Variants in KANSL3 observed in about 807,000 individuals in gnomAD.
The protein encoded by KANSL3 is NSL complex protein NSL3.
In KANSL3, 16 loss-of-function variants were observed where a neutral mutation model predicts 89.2. The observed-to-expected ratio is 0.18, with a 90% CI of 0.12 to 0.27. The LOEUF (loss-of-function observed/expected upper bound fraction) is 0.27, where lower values mean the gene tolerates loss of function less well. Ranked by LOEUF, KANSL3 falls within the 10% of genes least tolerant of loss-of-function variation. KANSL3 has a pLI of 1.00. For missense variants in KANSL3, 879 were observed against 1,110.6 expected (o/e 0.79, Z 2.96); for synonymous variants, 385 against 419.7 (o/e 0.92, Z 1.01).
At chr2:96,581,868 G>A in the KANSL3 span, among the ~76,000 whole-genome samples, 7 of 152,082 alleles carry the variant, frequency 4.6e-5, no homozygotes, top group Non-Finnish European at 8.8e-5. Context: ...CTATCACTGA[G>A]GCTCAAGGTT....
At chr2:96,627,885 T>C (rs1199850427) in intron 3 of KANSL3, 1 of 1,286,378 alleles carries the variant, frequency 7.8e-7, no homozygotes, top group Admixed American at 2.3e-5. Flanking sequence ...TAAGTTATCA[T>C]AAATAATAAA....
chr2:96,592,552 C>T (rs1242599099), downstream of KANSL3, among the ~76,000 whole-genome samples: 6 of 152,182 alleles, frequency 3.9e-5, no homozygotes, highest in Admixed American at 3.9e-4. Flanking sequence ...ACCATCTCCT[C>T]ACCTCCTGGG....
chr2:96,592,299 C>T (rs571462932), downstream of KANSL3, among the ~76,000 whole-genome samples: 1 of 152,252 alleles, frequency 6.6e-6, no homozygotes, highest in South Asian at 2.1e-4. Context: ...AAGGAAGGTC[C>T]TCCTGAATAC....
chr2:96,609,395 A>C, intron 12 of KANSL3, 104 bp downstream of exon 12: 7 of 939,132 alleles, frequency 7.5e-6, no homozygotes, highest in Non-Finnish European at 1.2e-5. Flanking sequence ...CAGAGGCCCC[A>C]GTGGAGGCCT....
At position 96,612,320 on chromosome 2, in the gene KANSL3, A is replaced by T; in HGVS notation, c.1048T>A (p.Leu350Met). ...HSHFPHKPII[L>M]IGWNTGALVA... ...AAAGCTCCTGTGTTCCAGCCAATCAAGATAATGGGTTTGTGTGGGAAATGG... is the reference window on the plus strand; with the variant it reads ...AAAGCTCCTGTGTTCCAGCCAATCATGATAATGGGTTTGTGTGGGAAATGG... Residue 350 changes from leucine to methionine, a missense_variant, in exon 9 of 21, where the codon TTG (leucine) becomes ATG (methionine). Physicochemically the swap from Leu to Met is conservative, Grantham distance 15. Coordinates refer to ENST00000431828, the MANE Select transcript of KANSL3 (RefSeq NM_001115016.3). 1.9e-6 allele frequency: 3 copies of T among 1,613,864 alleles called. No homozygotes were observed. Among genetic ancestry groups the T allele is most frequent in the Non-Finnish European group, 2.5e-6 (3 of 1,179,750 alleles).
At chr2:96,633,284 T>A (rs1306554473) in intron 2 of KANSL3, among the ~76,000 whole-genome samples, 1 of 151,790 alleles carries the variant, frequency 6.6e-6, no homozygotes, top group African/African-American at 2.4e-5. Context: ...GAATTAAATA[T>A]TCAGGCTGGG....
chr2:96,582,484 T>C, the KANSL3 span, among the ~76,000 whole-genome samples: 1 of 152,234 alleles, frequency 6.6e-6, no homozygotes, highest in Admixed American at 6.5e-5. Context: ...ATTTCAAGTA[T>C]TTAATTTTCC....
downstream of KANSL3, among the ~76,000 whole-genome samples, chr2:96,589,272 T>A (rs1246542301): frequency 6.6e-6 from 1 of 152,140 alleles, no homozygotes; most frequent in Non-Finnish European, 1.5e-5. Flanking sequence ...ATGATATTGG[T>A]ATAGAAGAAA....
chr2:96,582,397 C>CAAAA, the KANSL3 span, among the ~76,000 whole-genome samples: 2 of 139,804 alleles, frequency 1.4e-5, no homozygotes, highest in Non-Finnish European at 3.1e-5. Flanking sequence ...GACTCTGTCT[C>CAAAA]AAAAAAAAAA....
chr2:96,601,265 C>G (rs2067143376), intron 20 of KANSL3: 2 of 966,860 alleles, frequency 2.1e-6, no homozygotes, highest in Admixed American at 1.2e-4. Flanking sequence ...AAGACTCCAT[C>G]TCAAAAAATA....
chr2:96,616,553 T>C (rs1019500759), intron 5 of KANSL3, among the ~76,000 whole-genome samples: 2 of 152,232 alleles, frequency 1.3e-5, no homozygotes, highest in African/African-American at 4.8e-5. Flanking sequence ...CGCTTTCACA[T>C]CCAGCAGGCA....
the KANSL3 span, among the ~76,000 whole-genome samples, chr2:96,581,811 AAC>A: frequency 1.3e-5 from 2 of 152,348 alleles, no homozygotes; most frequent in Non-Finnish European, 2.9e-5. Flanking sequence ...AAAAATTTCA[AAC>A]ACAGAGAAAA....
At chr2:96,604,093 A>G in intron 17 of KANSL3, 157 bp downstream of exon 17, 1 of 743,532 alleles carries the variant, frequency 1.3e-6, no homozygotes, top group South Asian at 2.7e-5. Flanking sequence ...CCCTCTGCCC[A>G]AGCTAATTCC....
At chr2:96,609,630 G>T (rs771021233) in intron 11 of KANSL3, 68 bp from the exon 12 acceptor site, 1 of 1,410,738 alleles carries the variant, frequency 7.1e-7, no homozygotes. Context: ...AAATAAGAAC[G>T]TATTTCTTTT....
At chr2:96,602,049 A>C (rs2067257582) in intron 19 of KANSL3, 67 bp downstream of exon 19, 1 of 1,437,396 alleles carries the variant, frequency 7.0e-7, no homozygotes, top group Admixed American at 2.3e-5. Flanking sequence ...TGCCCACATG[A>C]GATGGGAAGG....
chr2:96,612,284 G>A lies in KANSL3; in HGVS notation c.1084C>T (p.His362Tyr), dbSNP rs2069146982. The change falls in exon 9 of 21, where the codon CAT (histidine) becomes TAT (tyrosine). Residue 362 changes from histidine (H) to tyrosine (Y), a missense_variant and splice_region_variant. Transcript: ENST00000431828. The stretch of plus-strand genomic sequence containing the variant: ...CAAATAAGATAGAAATTACTTACAT[G>A]ACAGGCCACCAAAGCTCCTGTGTTC... ...GWNTGALVAC[H>Y]VSVMEYVTAV... 1 of 1,608,212 alleles carries A rather than the reference G, an allele frequency of 6.2e-7. No homozygotes were observed. Among genetic ancestry groups the A allele is most frequent in the South Asian group, 1.1e-5 (1 of 90,978 alleles).
At chr2:96,623,587 C>T (rs149993288) in intron 3 of KANSL3, among the ~76,000 whole-genome samples, 1 of 152,268 alleles carries the variant, frequency 6.6e-6, no homozygotes, top group East Asian at 1.9e-4. Context: ...CCTTTTCCTT[C>T]TGTAAAATAA....
intron 20 of KANSL3, among the ~76,000 whole-genome samples, chr2:96,599,301 C>T (rs978844367): frequency 6.6e-6 from 1 of 152,108 alleles, no homozygotes; most frequent in Non-Finnish European, 1.5e-5. Flanking sequence ...GAGAGAGTTT[C>T]AATATGGGAT....
chr2:96,608,299 A>C (rs1020515360), intron 14 of KANSL3, among the ~76,000 whole-genome samples: 1 of 152,244 alleles, frequency 6.6e-6, no homozygotes, highest in African/African-American at 2.4e-5. Context: ...AGACAAAGCT[A>C]TAACTAGTGA....
Sources: gnomAD v4.1 joint callset for allele counts (sites outside exome capture counted in the v4.1 genomes callset) on GRCh38, gnomAD v4.1.1 for gene constraint, MANE v1.5 for transcripts, NCBI Gene and HGNC (gene_info 2026-07-23, HGNC 2026-07-21) for gene names.